Variants in APBB2 observed in about 807,000 individuals in gnomAD.
APBB2 encodes amyloid beta precursor protein binding family B member 2.
Under a neutral mutation model 82.5 loss-of-function variants are expected in APBB2, and 38 were observed. The observed-to-expected ratio is 0.46, with a 90% CI of 0.36 to 0.60. APBB2 has a LOEUF of 0.60. Ranked by LOEUF, APBB2 falls within the 20% of genes least tolerant of loss-of-function variation. The pLI is 0.00. For synonymous variants in APBB2, 341 were observed against 368.2 expected, an observed-to-expected ratio of 0.93 and a Z score of 0.85; for missense variants, 772 against 972.3, an observed-to-expected ratio of 0.79 and a Z score of 2.74.
At chr4:41,143,597 C>A (rs758817963) in intron 1 of APBB2, among the ~76,000 whole-genome samples, 13 of 152,088 alleles carry the variant, frequency 8.5e-5, no homozygotes, top group Non-Finnish European at 1.5e-4. Context: ...AAAGCGAAAC[C>A]CAGATTTAAT....
At chr4:40,842,992 A>C (rs1322819088) in intron 12 of APBB2, among the ~76,000 whole-genome samples, 1 of 152,156 alleles carries the variant, frequency 6.6e-6, no homozygotes, top group Non-Finnish European at 1.5e-5. Context: ...AGAGAGGAAC[A>C]CAGTGCAAGT....
intron 10 of APBB2, among the ~76,000 whole-genome samples, chr4:40,929,227 A>T (rs1783470844): frequency 6.6e-6 from 1 of 152,264 alleles, no homozygotes; most frequent in African/African-American, 2.4e-5. Context: ...GAAAAATAAG[A>T]GGAAAAAACA....
At chr4:41,102,269 C>T (rs1289254727) in intron 2 of APBB2, among the ~76,000 whole-genome samples, 1 of 152,130 alleles carries the variant, frequency 6.6e-6, no homozygotes, top group Non-Finnish European at 1.5e-5. Flanking sequence ...CTGCAAACAC[C>T]ATAAGCATCA....
At chr4:40,837,117 T>C (rs920708133) in intron 12 of APBB2, among the ~76,000 whole-genome samples, 2 of 152,288 alleles carry the variant, frequency 1.3e-5, no homozygotes, top group Admixed American at 6.5e-5. Flanking sequence ...ACACTCAGAG[T>C]GTTCCTGACA....
At chr4:40,866,891 G>C (rs2154338133) in intron 12 of APBB2, among the ~76,000 whole-genome samples, 1 of 152,004 alleles carries the variant, frequency 6.6e-6, no homozygotes, top group South Asian at 2.1e-4. Context: ...CTAATTTTTT[G>C]TATTTTTAGT....
chr4:41,159,686 T>C (rs207464557), intron 1 of APBB2, among the ~76,000 whole-genome samples: 2 of 151,960 alleles, frequency 1.3e-5, no homozygotes, highest in Non-Finnish European at 2.9e-5. Flanking sequence ...TCATGAGCTA[T>C]AAAGTGCCTC....
chr4:40,852,218 G>A (rs999763075), intron 12 of APBB2, among the ~76,000 whole-genome samples: 1 of 151,924 alleles, frequency 6.6e-6, no homozygotes, highest in Non-Finnish European at 1.5e-5. Flanking sequence ...GGGCATGGTG[G>A]TGCATGCCTG....
chr4:40,842,936 T>C (rs1420710224), intron 12 of APBB2, among the ~76,000 whole-genome samples: 1 of 151,796 alleles, frequency 6.6e-6, no homozygotes, highest in Non-Finnish European at 1.5e-5. Context: ...GACAGCTCAA[T>C]GGGGGAGAGA....
intron 2 of APBB2, among the ~76,000 whole-genome samples, chr4:41,118,721 A>G (rs1270944071): frequency 6.6e-6 from 1 of 152,232 alleles, no homozygotes; most frequent in Non-Finnish European, 1.5e-5. Flanking sequence ...AAACGTATCA[A>G]TATAGCTTAA....
rs181246765 is a variant in APBB2, at chr4:40,988,696, G to A, written c.835+24887C>T. ...AAAAAAAAGCCAGGGGCTACTATGCGGTATAAATATAATTAATATTACTGT... is the reference window on the plus strand; with the variant it reads ...AAAAAAAAGCCAGGGGCTACTATGCAGTATAAATATAATTAATATTACTGT... On this transcript the variant is annotated intron_variant, in intron 6 of 17. Coordinates refer to ENST00000508593, the MANE Select transcript of APBB2 (RefSeq NM_004307.2). Among the ~76,000 whole-genome samples the A allele has an allele frequency of 3.2e-4, 47 of 148,658 alleles. 1 individual carries two copies. Among genetic ancestry groups the A allele is most frequent in the Admixed American group, 2.8e-3 (42 of 14,886 alleles).
At chr4:40,880,269 A>C (rs777232286) in intron 12 of APBB2, 3 of 985,430 alleles carry the variant, frequency 3.0e-6, no homozygotes, top group Non-Finnish European at 3.6e-6. Flanking sequence ...AGACTCCTTG[A>C]GTTCCACCTG....
chr4:40,953,903 C>A (rs1216275674), intron 6 of APBB2, among the ~76,000 whole-genome samples: 2 of 152,154 alleles, frequency 1.3e-5, no homozygotes, highest in African/African-American at 4.8e-5. Context: ...GGAAGCAGGG[C>A]CTGGAAGTCA....
chr4:41,213,044 G>A (rs1293402735), intron 1 of APBB2, among the ~76,000 whole-genome samples: 3 of 150,946 alleles, frequency 2.0e-5, no homozygotes, highest in African/African-American at 7.3e-5. Flanking sequence ...CATTATTATG[G>A]CCATTTGGGG....
At chr4:40,857,045 C>T (rs1003846557) in intron 12 of APBB2, 2 of 985,460 alleles carry the variant, frequency 2.0e-6, no homozygotes, top group Non-Finnish European at 2.4e-6. Flanking sequence ...CCGGTCCTTC[C>T]GAAGTCGGGC....
At chr4:40,917,155 C>A (rs1216588023) in intron 10 of APBB2, among the ~76,000 whole-genome samples, 1 of 152,098 alleles carries the variant, frequency 6.6e-6, no homozygotes, top group Non-Finnish European at 1.5e-5. Context: ...GATTTGAGGC[C>A]CTGCAGAAGT....
chr4:40,820,393 G>C (rs1348617636), intron 17 of APBB2, among the ~76,000 whole-genome samples: 1 of 152,140 alleles, frequency 6.6e-6, no homozygotes, highest in Non-Finnish European at 1.5e-5. Context: ...GGCTGGGTGC[G>C]GTGGCTCATG....
intron 7 of APBB2, among the ~76,000 whole-genome samples, chr4:40,940,641 C>T (rs926651022): frequency 6.6e-6 from 1 of 152,166 alleles, no homozygotes; most frequent in Non-Finnish European, 1.5e-5. Flanking sequence ...TCATGACGCC[C>T]GTGAGGCTGT....
intron 2 of APBB2, among the ~76,000 whole-genome samples, chr4:41,128,588 C>T (rs1755080605): frequency 1.3e-5 from 2 of 152,162 alleles, no homozygotes; most frequent in Admixed American, 1.3e-4. Context: ...CCAGTTTTGT[C>T]CTCCAAATTC....
intron 6 of APBB2, among the ~76,000 whole-genome samples, chr4:40,954,821 A>C (rs7660943): frequency 3.9e-5 from 6 of 152,206 alleles, no homozygotes; most frequent in African/African-American, 1.4e-4. Flanking sequence ...ACACCATCAC[A>C]CCCGGGTAAT....
Sources: gnomAD v4.1 joint callset for allele counts (sites outside exome capture counted in the v4.1 genomes callset) on GRCh38, gnomAD v4.1.1 for gene constraint, MANE v1.5 for transcripts, NCBI Gene and HGNC (gene_info 2026-07-23, HGNC 2026-07-21) for gene names.